The following STEAP4 variants were observed in gnomAD, a reference collection of about 807,000 sequenced individuals.
STEAP4 encodes metalloreductase STEAP4.
A neutral mutation model predicts 43.6 loss-of-function variants in STEAP4; 36 were observed. That is an observed-to-expected ratio of 0.83 (90% CI 0.63 to 1.09). STEAP4 has a LOEUF of 1.09. Among genes scored for constraint, STEAP4 ranks in the 50% least tolerant of loss-of-function variants. The pLI, the probability that STEAP4 is intolerant of heterozygous loss-of-function variation, is 0.00. For synonymous variants in STEAP4, 191 were observed against 196.7 expected, an observed-to-expected ratio of 0.97 and a Z score of 0.24; for missense variants, 495 against 546.5, an observed-to-expected ratio of 0.91 and a Z score of 0.94.
At chr7:88,282,111 C>A (rs1852629400) in intron 3 of STEAP4, 1 of 152,718 alleles carries the variant, frequency 6.5e-6, no homozygotes, top group Non-Finnish European at 1.5e-5. Flanking sequence ...CAGATCTGGA[C>A]CCAAGCGAAC....
In STEAP4 at chr7:88,284,085, G is replaced by T. The variant is rs1402622116; in HGVS notation, c.185C>A (p.Ala62Glu). ...TGCTTCTGAATAGCTCAAGACTTCTGCACCACTGGGCAGTAGGGTGGTCTT... is the reference window on the plus strand; with the variant it reads ...TGCTTCTGAATAGCTCAAGACTTCTTCACCACTGGGCAGTAGGGTGGTCTT... ...PQKTTLLPSG[A>E]EVLSYSEAAK... The change falls in exon 2 of 5, where the codon GCA (alanine) becomes GAA (glutamate). Residue 62 changes from alanine (A) to glutamate (E), a missense_variant. By Grantham distance (107) the Ala-to-Glu change is moderately radical. Coordinates refer to ENST00000380079, the MANE Select transcript of STEAP4 (RefSeq NM_024636.4). 4 of 1,614,078 alleles carry T rather than the reference G, an allele frequency of 2.5e-6. No individual in the cohort carries two copies. In the South Asian group the frequency reaches 4.4e-5, roughly 18 times the overall value.
At chr7:88,280,173 T>C (rs1852593251) in intron 4 of STEAP4, among the ~76,000 whole-genome samples, 1 of 152,246 alleles carries the variant, frequency 6.6e-6, no homozygotes, top group South Asian at 2.1e-4. Context: ...CTGCATTTGG[T>C]CCCTGGGAGA....
chr7:88,302,960 A>G (rs1853062783), intron 1 of STEAP4, among the ~76,000 whole-genome samples: 2 of 148,458 alleles, frequency 1.3e-5, no homozygotes, highest in South Asian at 4.2e-4. Flanking sequence ...TCAAAAAAAA[A>G]AAAAAAAAAA....
intron 1 of STEAP4, among the ~76,000 whole-genome samples, chr7:88,297,682 G>T (rs151300932): frequency 7.8e-4 from 118 of 152,164 alleles, no homozygotes; most frequent in African/African-American, 2.7e-3. Flanking sequence ...GACCTGACAG[G>T]CAAGAAGGAG....
intron 1 of STEAP4, among the ~76,000 whole-genome samples, chr7:88,305,854 T>A (rs1853120527): frequency 6.6e-6 from 1 of 152,170 alleles, no homozygotes; most frequent in South Asian, 2.1e-4. Context: ...AAACTGAGGC[T>A]GAGATAATGA....
intron 1 of STEAP4, among the ~76,000 whole-genome samples, chr7:88,306,190 G>T (rs918297132): frequency 6.6e-6 from 1 of 152,132 alleles, no homozygotes; most frequent in African/African-American, 2.4e-5. Context: ...ATCTTTTAAA[G>T]AAAGTTCCTA....
chr7:88,284,350 A>G, intron 1 of STEAP4, 79 bp from the exon 2 acceptor site: 3 of 1,033,358 alleles, frequency 2.9e-6, no homozygotes, highest in Non-Finnish European at 4.1e-6. Context: ...ATATTCAAGA[A>G]GTAATGTAAT....
intron 1 of STEAP4, among the ~76,000 whole-genome samples, chr7:88,289,183 A>G (rs569890384): frequency 6.6e-6 from 1 of 152,202 alleles, no homozygotes; most frequent in Admixed American, 6.6e-5. Flanking sequence ...TATTCGTTGA[A>G]CTATATTAAA....
chr7:88,280,783 A>T, intron 4 of STEAP4, 132 bp downstream of exon 4: 1 of 937,180 alleles, frequency 1.1e-6, no homozygotes, highest in Non-Finnish European at 1.6e-6. Context: ...GGCGAGTATT[A>T]AGAAATCAAA....
At chr7:88,302,654 T>C (rs540731316) in intron 1 of STEAP4, among the ~76,000 whole-genome samples, 9 of 152,030 alleles carry the variant, frequency 5.9e-5, no homozygotes, top group African/African-American at 1.4e-4. Flanking sequence ...CATTTTTTTT[T>C]CCTTAATATT....
At chr7:88,292,839 A>C (rs1446921777) in intron 1 of STEAP4, 2 of 152,192 alleles carry the variant, frequency 1.3e-5, no homozygotes, top group Admixed American at 6.5e-5. Context: ...TAACATACTT[A>C]AGATCCATCA....
intron 1 of STEAP4, among the ~76,000 whole-genome samples, chr7:88,284,594 T>C (rs112763233): frequency 1.3e-5 from 2 of 152,150 alleles, no homozygotes; most frequent in African/African-American, 2.4e-5. Context: ...TTCACTTGTT[T>C]AGTGATACCA....
chr7:88,285,869 G>T (rs912492597), intron 1 of STEAP4, among the ~76,000 whole-genome samples: 20 of 151,670 alleles, frequency 1.3e-4, no homozygotes, highest in African/African-American at 4.8e-4. Flanking sequence ...GATAAAAATA[G>T]CATCTCAGGT....
intron 1 of STEAP4, among the ~76,000 whole-genome samples, chr7:88,287,531 G>A (rs957461753): frequency 6.6e-6 from 1 of 152,178 alleles, no homozygotes; most frequent in African/African-American, 2.4e-5. Flanking sequence ...GTTTCCCAGA[G>A]CACGAAGATC....
intron 1 of STEAP4, among the ~76,000 whole-genome samples, chr7:88,294,844 G>A (rs1852899455): frequency 1.3e-5 from 2 of 152,060 alleles, no homozygotes; most frequent in Admixed American, 1.3e-4. Context: ...GATAGGCCTG[G>A]AAGGGAAAAT....
chr7:88,284,931 A>C (rs745666808), intron 1 of STEAP4, among the ~76,000 whole-genome samples: 4 of 152,188 alleles, frequency 2.6e-5, no homozygotes, highest in Non-Finnish European at 5.9e-5. Context: ...ATTATGCCTA[A>C]AAACATTAGT....
chr7:88,283,888 C>T lies in STEAP4; in HGVS notation c.382G>A (p.Ala128Thr). 6.2e-7 allele frequency: 1 copy of T among 1,614,142 alleles called. No individual in the cohort carries two copies. ...AEYLAHLVPG[A>T]HVVKAFNTIS... Reference sequence around the variant, plus strand: ...GTGTTAAATGCTTTTACCACGTGGGCTCCTGGCACCAAATGAGCAAGGTAC... The same window carrying T: ...GTGTTAAATGCTTTTACCACGTGGGTTCCTGGCACCAAATGAGCAAGGTAC... Residue 128 changes from alanine (A) to threonine (T), a missense_variant, in exon 2 of 5, where the codon GCC becomes ACC. Transcript: ENST00000380079.
Position 88,300,296 on chromosome 7 carries a change from C to T in STEAP4, c.-3+6496G>A, listed in dbSNP as rs1853010326. Among the ~76,000 whole-genome samples the T allele has an allele frequency of 2.0e-5, 3 of 152,314 alleles. No individual in the cohort carries two copies. In the East Asian group the frequency reaches 5.8e-4, roughly 29 times the overall value. ...TGATCTCAGCTCACTGCAACCTCTG[C>T]TTCTTGGGTTCAAGTGATTTTCATG... On this transcript the variant is annotated intron_variant, in intron 1 of 4. Transcript: ENST00000380079.
chr7:88,301,281 C>T (rs1853028631), intron 1 of STEAP4, among the ~76,000 whole-genome samples: 1 of 152,098 alleles, frequency 6.6e-6, no homozygotes, highest in Non-Finnish European at 1.5e-5. Context: ...TGGAGAAGAG[C>T]ATATCATTCT....
Sources: gnomAD v4.1 joint callset for allele counts (sites outside exome capture counted in the v4.1 genomes callset) on GRCh38, gnomAD v4.1.1 for gene constraint, MANE v1.5 for transcripts, NCBI Gene and HGNC (gene_info 2026-07-23, HGNC 2026-07-21) for gene names.